The following ADAMTSL1 variants were observed in gnomAD, a reference collection of about 807,000 sequenced individuals.
The protein encoded by ADAMTSL1 is ADAMTS like 1.
A neutral mutation model predicts 201.8 loss-of-function variants in ADAMTSL1; 126 were observed. The observed-to-expected ratio is 0.62, with a 90% CI of 0.54 to 0.72. The LOEUF (loss-of-function observed/expected upper bound fraction) is 0.72. Among genes scored for constraint, ADAMTSL1 ranks in the 30% least tolerant of loss-of-function variants. ADAMTSL1 has a pLI of 0.00. For missense variants in ADAMTSL1, 2,679 were observed against 2,277.8 expected, an observed-to-expected ratio of 1.18 and a Z score of -3.59; for synonymous variants, 1,121 against 903.4, an observed-to-expected ratio of 1.24 and a Z score of -4.32.
chr9:18,634,657 G>A (rs948883617), intron 5 of ADAMTSL1, among the ~76,000 whole-genome samples: 1 of 151,662 alleles, frequency 6.6e-6, no homozygotes, highest in Admixed American at 6.6e-5. Context: ...GGCCAATATA[G>A]TGAAACCCCA....
intron 4 of ADAMTSL1, among the ~76,000 whole-genome samples, chr9:18,613,319 C>G (rs1397799954): frequency 6.6e-6 from 1 of 152,142 alleles, no homozygotes; most frequent in Non-Finnish European, 1.5e-5. Context: ...CCTCAAAGAC[C>G]TAAAGACAGA....
chr9:18,293,787 T>C (rs1833366475), intron 2 of ADAMTSL1, among the ~76,000 whole-genome samples: 1 of 152,092 alleles, frequency 6.6e-6, no homozygotes, highest in Admixed American at 6.6e-5. Context: ...ATAAAGTGAG[T>C]CTTAGTTCTA....
At chr9:18,774,474 G>A (rs1183887908) in intron 17 of ADAMTSL1, among the ~76,000 whole-genome samples, 2 of 151,368 alleles carry the variant, frequency 1.3e-5, no homozygotes, top group Non-Finnish European at 2.9e-5. Context: ...CTGTTTCTCT[G>A]CACCCACCCA....
Position 18,891,493 on chromosome 9 carries a change from T to A in ADAMTSL1, c.4644-896T>A, listed in dbSNP as rs541468633. On this transcript the variant is annotated intron_variant, in intron 25 of 28. Transcript: ENST00000380548. ...ACATGCAACAAGAATCCCTGCCTGT[T>A]TGTATATGGACCGAGGATTTCCGAG... Among the ~76,000 whole-genome samples the A allele has an allele frequency of 4.6e-5, 7 of 152,300 alleles. No individual in the cohort carries two copies. In the South Asian group the frequency reaches 1.5e-3, roughly 32 times the overall value.
intron 1 of ADAMTSL1, among the ~76,000 whole-genome samples, chr9:17,956,666 C>T (rs2131386893): frequency 6.6e-6 from 1 of 152,246 alleles, no homozygotes. Flanking sequence ...AGCATTATTT[C>T]TGCCACATTT....
chr9:18,582,601 C>T (rs1823170850), intron 4 of ADAMTSL1, among the ~76,000 whole-genome samples: 1 of 152,018 alleles, frequency 6.6e-6, no homozygotes, highest in African/African-American at 2.4e-5. Context: ...GTAATCCCAG[C>T]ACTTTGGGAG....
intron 3 of ADAMTSL1, among the ~76,000 whole-genome samples, chr9:18,552,837 C>T (rs1351043846): frequency 1.3e-5 from 2 of 151,696 alleles, no homozygotes; most frequent in South Asian, 2.1e-4. Flanking sequence ...TAAATATTCA[C>T]CTTTCATTTG....
At chr9:18,878,805 C>A (rs944869100) in intron 23 of ADAMTSL1, among the ~76,000 whole-genome samples, 1 of 152,180 alleles carries the variant, frequency 6.6e-6, no homozygotes, top group Admixed American at 6.5e-5. Context: ...AGTTTTGTCT[C>A]CTATCTGCCA....
At chr9:18,171,173 G>C (rs1386171698) in intron 2 of ADAMTSL1, among the ~76,000 whole-genome samples, 5 of 151,918 alleles carry the variant, frequency 3.3e-5, no homozygotes, top group Admixed American at 2.6e-4. Context: ...TAGACAAATA[G>C]AACAACATAG....
intron 4 of ADAMTSL1, among the ~76,000 whole-genome samples, chr9:18,617,851 G>T (rs1266223392): frequency 6.6e-6 from 1 of 152,174 alleles, no homozygotes; most frequent in African/African-American, 2.4e-5. Flanking sequence ...ACTGTGCAGT[G>T]ATTCTGGATG....
At chr9:18,338,573 A>T (rs1301344743) in intron 2 of ADAMTSL1, among the ~76,000 whole-genome samples, 2 of 152,110 alleles carry the variant, frequency 1.3e-5, no homozygotes, top group African/African-American at 4.8e-5. Flanking sequence ...CAGTCTCCTG[A>T]GTAGCTGGAA....
At chr9:17,976,711 TCCCTCCCTC>T (rs1818465102) in intron 1 of ADAMTSL1, among the ~76,000 whole-genome samples, 1 of 150,834 alleles carries the variant, frequency 6.6e-6, no homozygotes, top group African/African-American at 2.4e-5. Context: ...TCTCTCTCTC[TCCCTCCCTC>T]CCCTCCCTCC....
At chr9:18,530,669 A>C (rs113419907) in intron 2 of ADAMTSL1, among the ~76,000 whole-genome samples, 2 of 152,208 alleles carry the variant, frequency 1.3e-5, no homozygotes, top group African/African-American at 2.4e-5. Flanking sequence ...TTTTACATCT[A>C]TTATGTACTT....
At chr9:18,165,648 A>G (rs762833334) in intron 2 of ADAMTSL1, among the ~76,000 whole-genome samples, 1 of 151,902 alleles carries the variant, frequency 6.6e-6, no homozygotes, top group Non-Finnish European at 1.5e-5. Context: ...TAGTCACTCC[A>G]CAAAGCTGGA....
At chr9:18,076,346 G>T (rs947021898) in intron 1 of ADAMTSL1, among the ~76,000 whole-genome samples, 1 of 152,132 alleles carries the variant, frequency 6.6e-6, no homozygotes, top group Non-Finnish European at 1.5e-5. Flanking sequence ...TGTCCTCCTC[G>T]TGAGGTGGAC....
intron 13 of ADAMTSL1, among the ~76,000 whole-genome samples, chr9:18,685,456 A>C (rs1384909736): frequency 6.6e-6 from 1 of 152,258 alleles, no homozygotes; most frequent in African/African-American, 2.4e-5. Flanking sequence ...ATTAGAAAAC[A>C]CTGATAGGCA....
chr9:18,122,898 C>G (rs1825564344), intron 1 of ADAMTSL1, among the ~76,000 whole-genome samples: 1 of 152,044 alleles, frequency 6.6e-6, no homozygotes, highest in Non-Finnish European at 1.5e-5. Context: ...ACCTCCACAC[C>G]TGGCTAATTT....
chr9:18,382,739 G>A (rs1837611357), intron 2 of ADAMTSL1, among the ~76,000 whole-genome samples: 1 of 152,076 alleles, frequency 6.6e-6, no homozygotes, highest in African/African-American at 2.4e-5. Flanking sequence ...TGTACTTCTT[G>A]TGGTTTTCTT....
rs538546381 is a variant in ADAMTSL1, at chr9:17,922,639, G to C, written c.87+15717G>C. ...ATGTGTCTTATTTACAGATGAGAGA[G>C]GTAAGGTCTTAGAAAGTTGAGTTGA... On this transcript the variant is annotated intron_variant, in intron 1 of 29. Coordinates refer to the ADAMTSL1 transcript ENST00000680146. 8.5e-5 allele frequency among the ~76,000 whole-genome samples: 13 copies of C among 152,254 alleles called. 1 individual carries two copies. In the East Asian group the frequency reaches 2.3e-3, roughly 27 times the overall value.
Sources: allele counts gnomAD v4.1 joint callset (sites outside exome capture counted in the v4.1 genomes callset), GRCh38; gene constraint gnomAD v4.1.1; transcripts MANE v1.5; gene names NCBI Gene and HGNC (gene_info 2026-07-23, HGNC 2026-07-21).